The following FHL5 variants were observed in gnomAD, a reference collection of about 807,000 sequenced individuals.
FHL5 encodes the protein four and a half LIM domains 5.
A neutral mutation model predicts 32.0 loss-of-function variants in FHL5; 33 were observed. The ratio of observed to expected loss-of-function variants is 1.03; its 90% CI spans 0.78 to 1.38. The LOEUF is 1.38. FHL5 is among the 40% of genes most tolerant of loss of function. FHL5 has a pLI of 0.00. For synonymous variants in FHL5, 114 were observed against 113.6 expected (o/e 1.00, Z -0.02); for missense variants, 336 against 343.9 (o/e 0.98, Z 0.18).
chr6:96,595,886 T>C (rs750063929), intron 1 of FHL5, among the ~76,000 whole-genome samples: 2 of 152,220 alleles, frequency 1.3e-5, no homozygotes, highest in African/African-American at 2.4e-5. Flanking sequence ...TTATTTCTCA[T>C]GTGAAATTGT....
intron 1 of FHL5, among the ~76,000 whole-genome samples, chr6:96,575,956 A>G (rs1770575838): frequency 6.6e-6 from 1 of 152,178 alleles, no homozygotes; most frequent in Admixed American, 6.6e-5. Context: ...AACTAGTTTT[A>G]TATGTGACCT....
Position 96,607,030 on chromosome 6 carries a change from C to CA in FHL5, c.504+967dup, listed in dbSNP as rs58549009. On this transcript the variant is annotated intron_variant, in intron 4 of 5. Transcript: ENST00000450218. ...GGGCCTTCTGACTTGGCTTCCCACT[C>CA]AAAAAAAACATTTTCTAAGAGAAAA... 3.8e-3 allele frequency among the ~76,000 whole-genome samples: 569 copies of CA among 150,958 alleles called. 3 individuals are homozygous for CA. Among genetic ancestry groups the CA allele is most frequent in the African/African-American group, 0.013 (532 of 41,088 alleles).
intron 1 of FHL5, among the ~76,000 whole-genome samples, chr6:96,599,901 A>C (rs1040405334): frequency 3.3e-5 from 5 of 152,186 alleles, no homozygotes; most frequent in Non-Finnish European, 4.4e-5. Context: ...TGAAAGCAAA[A>C]ATTTTCCAAT....
In FHL5 at chr6:96,604,940, G is replaced by T. The variant is rs1472545745; in HGVS notation, c.334+16G>T. 1 of 1,570,594 alleles carries T rather than the reference G, an allele frequency of 6.4e-7. No homozygotes were observed. ...ATCATGCCTGGTAGGGTCTCAAGGGGGCTCCTGTCTCTAACTGAAGCTGTG... is the reference window on the plus strand; with the variant it reads ...ATCATGCCTGGTAGGGTCTCAAGGGTGCTCCTGTCTCTAACTGAAGCTGTG... On this transcript the variant is annotated intron_variant, in intron 3 of 5. Transcript: ENST00000450218.
intron 5 of FHL5, among the ~76,000 whole-genome samples, chr6:96,613,462 C>G (rs972355252): frequency 1.3e-5 from 2 of 152,212 alleles, no homozygotes; most frequent in African/African-American, 4.8e-5. Context: ...GAGCAAAAGA[C>G]TTGGTCCTCC....
chr6:96,576,601 A>G (rs938182935), intron 1 of FHL5, among the ~76,000 whole-genome samples: 2 of 152,254 alleles, frequency 1.3e-5, no homozygotes, highest in African/African-American at 4.8e-5. Flanking sequence ...CTACAGAACT[A>G]AAGTGTATAT....
rs1771169538 is a variant in FHL5, at chr6:96,602,426, C to CTTTCTT, written c.-12-1173_-12-1172insCTTTTT. ...ACCTGGAAATCTATATGCGTTGTTT[C>CTTTCTT]TTTTTTTTTTTTTTTTTTTTTTTTT... On this transcript the variant is annotated intron_variant, in intron 1 of 5. Coordinates refer to ENST00000450218, the MANE Select transcript of FHL5 (RefSeq NM_001322466.2). Among the ~76,000 whole-genome samples the CTTTCTT allele has an allele frequency of 5.9e-5, 2 of 33,684 alleles. 1 individual carries two copies. Among genetic ancestry groups the CTTTCTT allele is most frequent in the Admixed American group, 8.4e-4 (2 of 2,376 alleles). 22.1% of individuals were successfully genotyped at this position (33,684 alleles called of 152,430 possible).
chr6:96,566,949 C>T (rs1376787384), intron 1 of FHL5, among the ~76,000 whole-genome samples: 1 of 151,872 alleles, frequency 6.6e-6, no homozygotes, highest in Non-Finnish European at 1.5e-5. Flanking sequence ...TCTTTTTTCT[C>T]TGTTGACTGT....
At chr6:96,568,785 T>C (rs964678126) in intron 1 of FHL5, among the ~76,000 whole-genome samples, 2 of 151,844 alleles carry the variant, frequency 1.3e-5, no homozygotes, top group African/African-American at 2.4e-5. Context: ...TAATTTTTTG[T>C]ATTTCTATGG....
intron 5 of FHL5, among the ~76,000 whole-genome samples, chr6:96,612,744 CTTTT>C (rs1054653020): frequency 6.6e-6 from 1 of 151,880 alleles, no homozygotes; most frequent in Non-Finnish European, 1.5e-5. Context: ...CTATCTTAAT[CTTTT>C]TTTTAACTTT....
At chr6:96,575,394 A>G (rs1770563424) in intron 1 of FHL5, among the ~76,000 whole-genome samples, 1 of 152,218 alleles carries the variant, frequency 6.6e-6, no homozygotes, top group African/African-American at 2.4e-5. Flanking sequence ...GCGGGAGTAG[A>G]AAACAAAACG....
At chr6:96,607,693 C>T (rs1771313698) in intron 4 of FHL5, among the ~76,000 whole-genome samples, 1 of 151,960 alleles carries the variant, frequency 6.6e-6, no homozygotes, top group South Asian at 2.1e-4. Context: ...CATTTAAAAA[C>T]ATGCTGGAGC....
chr6:96,611,951 C>T (rs544912950), intron 5 of FHL5, among the ~76,000 whole-genome samples: 3 of 152,334 alleles, frequency 2.0e-5, no homozygotes, highest in African/African-American at 7.2e-5. Context: ...TAAAATCCAT[C>T]TCTGCAGCTA....
intron 1 of FHL5, among the ~76,000 whole-genome samples, chr6:96,582,352 GA>G (rs1000954894): frequency 2.7e-5 from 4 of 149,272 alleles, no homozygotes; most frequent in Admixed American, 6.7e-5. Flanking sequence ...ATCCCAGTGA[GA>G]AAAAAAAAGG....
intron 1 of FHL5, among the ~76,000 whole-genome samples, chr6:96,569,351 C>T (rs1018376572): frequency 5.3e-5 from 8 of 151,988 alleles, no homozygotes; most frequent in East Asian, 1.9e-4. Flanking sequence ...TGTGGTCTAA[C>T]GTGGTCTATG....
chr6:96,575,755 A>C (rs1770571110), intron 1 of FHL5, among the ~76,000 whole-genome samples: 1 of 152,202 alleles, frequency 6.6e-6, no homozygotes, highest in Non-Finnish European at 1.5e-5. Context: ...TCAAAAAAAA[A>C]TTCTTGATCT....
intron 4 of FHL5, among the ~76,000 whole-genome samples, chr6:96,609,119 C>A (rs1044415190): frequency 6.6e-6 from 1 of 152,112 alleles, no homozygotes; most frequent in Non-Finnish European, 1.5e-5. Context: ...AGGAAAATAT[C>A]TTTCATATCA....
In FHL5 at chr6:96,603,641, T is replaced by C. The variant is rs1471763421; in HGVS notation, c.28T>C (p.Tyr10His). 6.2e-7 allele frequency: 1 copy of C among 1,613,152 alleles called. No individual in the cohort carries two copies. Residue 10 changes from tyrosine (Y) to histidine (H), a missense_variant, in exon 2 of 6, where the codon TAC (tyrosine) becomes CAC (histidine). Tyr to His is a moderately conservative substitution (Grantham distance 83). Transcript: ENST00000450218. ...GACAACTGCTCACTTTTACTGTCAA[T>C]ACTGCACAGCATCACTTCTTGGGAA... is the stretch of plus-strand genomic sequence containing the variant. MTTAHFYCQ[Y>H]CTASLLGKKY...
intron 1 of FHL5, among the ~76,000 whole-genome samples, chr6:96,589,029 G>A (rs1770860162): frequency 6.6e-6 from 1 of 151,978 alleles, no homozygotes; most frequent in Non-Finnish European, 1.5e-5. Context: ...ATTGTTTTGA[G>A]TATGGTATGA....
Sources: allele counts gnomAD v4.1 joint callset (sites outside exome capture counted in the v4.1 genomes callset), GRCh38; gene constraint gnomAD v4.1.1; transcripts MANE v1.5; gene names NCBI Gene and HGNC (gene_info 2026-07-23, HGNC 2026-07-21).